Variants in SF3B3 observed in about 807,000 individuals in gnomAD.
SF3B3 encodes the protein SAP 130.
A neutral mutation model predicts 139.2 loss-of-function variants in SF3B3; 33 were observed. That is an observed-to-expected ratio of 0.24 (90% CI 0.18 to 0.32). SF3B3 has a LOEUF of 0.32. Among genes scored for constraint, SF3B3 ranks in the 10% least tolerant of loss-of-function variants. The pLI, the probability that SF3B3 is intolerant of heterozygous loss-of-function variation, is 1.00. For missense variants in SF3B3, 818 were observed against 1,509.4 expected (o/e 0.54, Z 7.59); for synonymous variants, 596 against 563.6 (o/e 1.06, Z -0.81).
At chr16:70,532,290 C>CA (rs756782974) in intron 4 of SF3B3, among the ~76,000 whole-genome samples, 189 bp from the exon 5 acceptor site, 3,917 of 91,132 alleles carry the variant, frequency 0.043, 207 homozygotes, top group African/African-American at 0.16. Context: ...AACTCCGTCT[C>CA]AAAAAAAAAA....
At chr16:70,543,494 G>C (rs2050239512) in intron 9 of SF3B3, among the ~76,000 whole-genome samples, 1 of 151,878 alleles carries the variant, frequency 6.6e-6, no homozygotes, top group Non-Finnish European at 1.5e-5. Context: ...GATGACCTGA[G>C]GTCAGGAATT....
chr16:70,525,737 G>A (rs2050055901), intron 1 of SF3B3, among the ~76,000 whole-genome samples: 1 of 151,966 alleles, frequency 6.6e-6, no homozygotes, highest in South Asian at 2.1e-4. Flanking sequence ...GGAGGCGGAG[G>A]CGGGCGGATC....
chr16:70,545,051 C>G (rs894304156), intron 10 of SF3B3, among the ~76,000 whole-genome samples: 1 of 152,022 alleles, frequency 6.6e-6, no homozygotes, highest in African/African-American at 2.4e-5. Flanking sequence ...TCCTAAATAG[C>G]ATACTTTTTA....
intron 9 of SF3B3, 118 bp from the exon 10 acceptor site, chr16:70,544,320 A>G (rs948042761): frequency 7.6e-6 from 5 of 657,940 alleles, no homozygotes; most frequent in Admixed American, 5.2e-5. Flanking sequence ...CTTTTCACAT[A>G]TTGATCAGCA....
chr16:70,571,999 C>A lies in SF3B3; in HGVS notation c.*186C>A. On this transcript the variant is annotated 3_prime_UTR_variant, in exon 26 of 26. Transcript: ENST00000302516. The stretch of plus-strand genomic sequence containing the variant: ...TGACTGGCTTCCCCTCAAATTGGCA[C>A]TGAGATTTGCTACACTTCTCCCCAC... 1.4e-6 allele frequency: 1 copy of A among 732,576 alleles called. No individual in the cohort carries two copies. The highest frequency in any genetic ancestry group is 2.3e-6 in the Non-Finnish European group (1 of 433,446). 45.4% of individuals were successfully genotyped at this position (732,576 alleles called of 1,614,324 possible).
chr16:70,530,390 G>A (rs1263820079), intron 3 of SF3B3, among the ~76,000 whole-genome samples: 3 of 150,174 alleles, frequency 2.0e-5, no homozygotes, highest in Non-Finnish European at 4.4e-5. Context: ...TGCGATCTCA[G>A]CTCACTGCAA....
Position 70,567,407 on chromosome 16 carries a change from A to G in SF3B3, c.2827-4A>G, listed in dbSNP as rs765792024. The G allele has an allele frequency of 4.3e-6, 7 of 1,612,330 alleles. No homozygotes were observed. Among genetic ancestry groups the G allele is most frequent in the South Asian group, 3.3e-5 (3 of 90,768 alleles). On this transcript the variant is annotated splice_polypyrimidine_tract_variant and splice_region_variant and intron_variant, in intron 20 of 25. Coordinates refer to ENST00000302516, the MANE Select transcript of SF3B3 (RefSeq NM_012426.5). The stretch of plus-strand genomic sequence containing the variant: ...TAGCTGTATTACCTGCTTTTCCTCT[A>G]TAGACTCCTGTGGAAGAGGTCCCTG...
At chr16:70,526,796 C>A in intron 2 of SF3B3, 70 bp downstream of exon 2, 2 of 1,074,514 alleles carry the variant, frequency 1.9e-6, no homozygotes, top group Non-Finnish European at 2.8e-6. Context: ...GTCTCTTGTG[C>A]AGGAAATGTT....
At chr16:70,565,656 A>T in intron 20 of SF3B3, 132 bp downstream of exon 20, 1 of 793,810 alleles carries the variant, frequency 1.3e-6, no homozygotes. Context: ...CACATGGAAA[A>T]TGCTGGGGCC....
intron 10 of SF3B3, 118 bp downstream of exon 10, chr16:70,544,651 T>C (rs1567415555): frequency 9.1e-6 from 6 of 659,324 alleles, no homozygotes; most frequent in African/African-American, 3.6e-5. Flanking sequence ...AAAAAGTATG[T>C]TCTTTCTCCC....
At chr16:70,557,518 C>G (rs2050389945) in intron 15 of SF3B3, among the ~76,000 whole-genome samples, 1 of 152,194 alleles carries the variant, frequency 6.6e-6, no homozygotes, top group Non-Finnish European at 1.5e-5. Context: ...TTGACTCAGA[C>G]ATCTAAGTAA....
intron 6 of SF3B3, chr16:70,538,092 C>T (rs555969770): frequency 2.3e-5 from 16 of 687,030 alleles, no homozygotes; most frequent in South Asian, 2.7e-5. Context: ...TGAATCTGAT[C>T]AGGCTGTAGA....
intron 4 of SF3B3, 66 bp from the exon 5 acceptor site, chr16:70,532,413 C>T (rs2050130941): frequency 7.2e-7 from 1 of 1,383,396 alleles, no homozygotes; most frequent in Non-Finnish European, 9.9e-7. Context: ...AATTGGAGTC[C>T]TGATGTCCTT....
chr16:70,523,969 C>A, intron 1 of SF3B3, 41 bp downstream of exon 1: 1 of 417,506 alleles, frequency 2.4e-6, no homozygotes, highest in Non-Finnish European at 4.2e-6. Flanking sequence ...CCCGGGGAGG[C>A]GGAGACCGGC....
At chr16:70,563,751 T>C in intron 17 of SF3B3, 125 bp from the exon 18 acceptor site, 1 of 830,076 alleles carries the variant, frequency 1.2e-6, no homozygotes. Context: ...TGTTGTTTAA[T>C]GTTGCCTAAT....
intron 17 of SF3B3, among the ~76,000 whole-genome samples, chr16:70,563,527 A>T (rs2151792844): frequency 6.6e-6 from 1 of 152,334 alleles, no homozygotes; most frequent in South Asian, 2.1e-4. Flanking sequence ...CACTACAAAT[A>T]CCATATATGT....
chr16:70,548,799 A>G (rs1375630449), intron 11 of SF3B3, among the ~76,000 whole-genome samples: 2 of 152,182 alleles, frequency 1.3e-5, no homozygotes, highest in East Asian at 1.9e-4. Context: ...TTCTTCAACT[A>G]TATTCTTTTA....
intron 23 of SF3B3, 70 bp downstream of exon 23, chr16:70,569,211 T>C: frequency 9.0e-7 from 1 of 1,106,360 alleles, no homozygotes; most frequent in South Asian, 1.4e-5. Context: ...ACTGAAGAAA[T>C]TGCCTTTGGT....
intron 10 of SF3B3, 34 bp from the exon 11 acceptor site, chr16:70,548,336 C>T: frequency 6.3e-7 from 1 of 1,581,730 alleles, no homozygotes; most frequent in Non-Finnish European, 8.7e-7. Context: ...GTTGCATGCT[C>T]ACTGGATCTG....
Sources: allele counts gnomAD v4.1 joint callset (sites outside exome capture counted in the v4.1 genomes callset), GRCh38; gene constraint gnomAD v4.1.1; transcripts MANE v1.5; gene names NCBI Gene and HGNC (gene_info 2026-07-23, HGNC 2026-07-21).